PLAC9: variants seen among roughly 807,000 people sequenced by gnomAD.
The protein encoded by PLAC9 is placenta-specific protein 9.
Under a neutral mutation model 11.5 loss-of-function variants are expected in PLAC9, and 12 were observed. The ratio of observed to expected loss-of-function variants is 1.05; its 90% CI spans 0.67 to 1.69. PLAC9 has a LOEUF of 1.69. Ranked by LOEUF, PLAC9 falls within the 40% of genes most tolerant of loss-of-function variation. The pLI is 0.00. For missense variants in PLAC9, 132 were observed against 130.5 expected, an observed-to-expected ratio of 1.01 and a Z score of -0.06; for synonymous variants, 62 against 58.1, an observed-to-expected ratio of 1.07 and a Z score of -0.31.
chr10:80,143,944 T>A (rs1488503713), intron 2 of PLAC9: 5 of 428,090 alleles, frequency 1.2e-5, no homozygotes, highest in Non-Finnish European at 2.1e-5. Flanking sequence ...GGCTGCAAAG[T>A]CCAAAAGGGA....
chr10:80,137,680 C>T (rs530130131), intron 1 of PLAC9, among the ~76,000 whole-genome samples: 34 of 152,158 alleles, frequency 2.2e-4, no homozygotes, highest in African/African-American at 7.7e-4. Context: ...TTTGGGAGGC[C>T]GAGACAGGCG....
chr10:80,132,563 T>G, upstream of PLAC9: 1 of 450,212 alleles, frequency 2.2e-6, no homozygotes, highest in Non-Finnish European at 3.9e-6. Flanking sequence ...GTGCCTCAGC[T>G]CCCGGGGTCT....
In PLAC9 at chr10:80,142,218, C is replaced by T. The variant is rs761387927; in HGVS notation, c.162+39C>T. The T allele has an allele frequency of 2.0e-6, 3 of 1,520,322 alleles. No homozygotes were observed. In the Admixed American group the frequency reaches 5.2e-5, roughly 26 times the overall value. 94.2% of individuals were successfully genotyped at this position (1,520,322 alleles called of 1,614,324 possible). A position where few individuals can be genotyped will look rare whatever the true frequency, so the allele number is the denominator to read the frequency against. On this transcript the variant is annotated intron_variant, in intron 2 of 3. Transcript: ENST00000372263. Reference sequence around the variant, plus strand: ...TTGGAAGGACATGCGAGTTCAGGACCACCTTCTAGGATGGTGTTTTTATGG... The same window carrying T: ...TTGGAAGGACATGCGAGTTCAGGACTACCTTCTAGGATGGTGTTTTTATGG...
At chr10:80,133,920 G>A (rs1275792237) in intron 1 of PLAC9, among the ~76,000 whole-genome samples, 1 of 146,288 alleles carries the variant, frequency 6.8e-6, no homozygotes, top group East Asian at 2.0e-4. Context: ...ATCCAGCCTG[G>A]GTGACAGAGC....
chr10:80,132,650 C>T, upstream of PLAC9: 1 of 852,992 alleles, frequency 1.2e-6, no homozygotes, highest in East Asian at 3.4e-5. Context: ...AAGTCCGGAG[C>T]CGCCCAGGAA....
chr10:80,143,268 T>C (rs1381944866), intron 2 of PLAC9, among the ~76,000 whole-genome samples: 1 of 151,492 alleles, frequency 6.6e-6, no homozygotes, highest in African/African-American at 2.4e-5. Context: ...GGTTTCACCA[T>C]GTTGGCCAGG....
At chr10:80,133,165 G>GA in intron 1 of PLAC9, among the ~76,000 whole-genome samples, 1 of 152,250 alleles carries the variant, frequency 6.6e-6, no homozygotes, top group African/African-American at 2.4e-5. Context: ...GAAGGAAAGA[G>GA]AAAAAGTGAT....
upstream of PLAC9, chr10:80,132,602 G>A (rs1327763066): frequency 9.8e-6 from 5 of 510,278 alleles, no homozygotes; most frequent in Non-Finnish European, 1.6e-5. Flanking sequence ...ACGGGGTGCC[G>A]AGGGGCCTCT....
At chr10:80,140,955 T>C (rs1234843407) in intron 1 of PLAC9, among the ~76,000 whole-genome samples, 1 of 152,194 alleles carries the variant, frequency 6.6e-6, no homozygotes, top group Non-Finnish European at 1.5e-5. Flanking sequence ...TTATGAGTAG[T>C]GACTTTGGAC....
chr10:80,139,317 C>T (rs910740970), intron 1 of PLAC9, among the ~76,000 whole-genome samples: 2 of 152,126 alleles, frequency 1.3e-5, no homozygotes, highest in Admixed American at 1.3e-4. Flanking sequence ...CTCTTCAGCC[C>T]CCATTTCTCC....
At position 80,144,935 on chromosome 10, in the gene PLAC9, T is replaced by C. The variant is rs749910603; in HGVS notation, c.*25T>C. 4.5e-6 allele frequency: 7 copies of C among 1,569,634 alleles called. No homozygotes were observed. In the Admixed American group the frequency reaches 1.3e-4, roughly 30 times the overall value. ...AGCCCTGGAGCTGGAGCCCAGCAGT[T>C]GGAGGTGGTGCACCTGCCAGGCAGC... On this transcript the variant is annotated 3_prime_UTR_variant, in exon 4 of 4. Transcript: ENST00000372263.
At chr10:80,133,206 T>G (rs573180366) in intron 1 of PLAC9, among the ~76,000 whole-genome samples, 4 of 151,322 alleles carry the variant, frequency 2.6e-5, no homozygotes, top group Non-Finnish European at 5.9e-5. Flanking sequence ...GGAGAGAGGA[T>G]ATTGAAGAAA....
chr10:80,138,951 CTT>C (rs773767546), intron 1 of PLAC9, among the ~76,000 whole-genome samples: 52 of 131,264 alleles, frequency 4.0e-4, no homozygotes, highest in African/African-American at 2.8e-4. Flanking sequence ...TGCAATATTC[CTT>C]TTTTTTTTTT....
In PLAC9 at chr10:80,144,344, G is replaced by T. The variant is rs535619155; in HGVS notation, c.283+1G>T. The T allele has an allele frequency of 1.3e-6, 2 of 1,598,046 alleles. No homozygotes were observed. Among genetic ancestry groups the T allele is most frequent in the East Asian group, 4.5e-5 (2 of 44,584 alleles). On this transcript the variant is annotated splice_donor_variant, in intron 3 of 3. Coordinates refer to ENST00000372263, the MANE Select transcript of PLAC9 (RefSeq NM_001012973.3). LOFTEE classifies it high-confidence loss of function. ...AGCCCCGCTCCCGACCTTCTCGGAG[G>T]TGAGCAGTGCAGGTGGCAGAGGACA...
upstream of PLAC9, chr10:80,131,705 A>G (rs1180803377): frequency 6.6e-6 from 1 of 152,260 alleles, no homozygotes; most frequent in Non-Finnish European, 1.5e-5. Flanking sequence ...TGAGGCTACT[A>G]TCTTGCTCTG....
chr10:80,144,864 C>A, intron 3 of PLAC9, 36 bp from the exon 4 acceptor site: 1 of 1,557,384 alleles, frequency 6.4e-7, no homozygotes, highest in Non-Finnish European at 8.7e-7. Context: ...CTGCGGCACC[C>A]CAGCTTGCTC....
At chr10:80,138,923 G>A (rs570099191) in intron 1 of PLAC9, among the ~76,000 whole-genome samples, 24 of 150,854 alleles carry the variant, frequency 1.6e-4, no homozygotes, top group Admixed American at 4.0e-4. Context: ...GAAGCTGCTC[G>A]ACCTCTAAAA....
At chr10:80,135,756 A>G (rs1844968566) in intron 1 of PLAC9, among the ~76,000 whole-genome samples, 1 of 152,146 alleles carries the variant, frequency 6.6e-6, no homozygotes, top group Non-Finnish European at 1.5e-5. Context: ...CACTTGAAGA[A>G]TAGTTTTCTG....
intron 1 of PLAC9, among the ~76,000 whole-genome samples, chr10:80,135,581 A>G (rs183227772): frequency 5.4e-4 from 77 of 142,970 alleles, no homozygotes; most frequent in Middle Eastern, 4.4e-3. Context: ...TCAAGTGATC[A>G]GCCTGCCCCG....
Sources: allele counts gnomAD v4.1 joint callset (sites outside exome capture counted in the v4.1 genomes callset), GRCh38; gene constraint gnomAD v4.1.1; transcripts MANE v1.5; gene names NCBI Gene and HGNC (gene_info 2026-07-23, HGNC 2026-07-21).